The following ZBTB7C variants were observed in gnomAD, a reference collection of about 807,000 sequenced individuals.
ZBTB7C encodes zinc finger and BTB domain containing 7C, also known as zinc finger and BTB domain-containing protein 7C.
ZBTB7C carries 8 observed loss-of-function variants against 25.7 expected under a neutral mutation model. The observed-to-expected ratio is 0.31, with a 90% CI of 0.18 to 0.56. The LOEUF (loss-of-function observed/expected upper bound fraction) is 0.56, where lower values mean the gene tolerates loss of function less well. Among genes scored for constraint, ZBTB7C ranks in the 20% least tolerant of loss-of-function variants. The pLI is 0.91. For missense variants in ZBTB7C, 824 were observed against 855.2 expected (o/e 0.96, Z 0.46); for synonymous variants, 394 against 369.0 (o/e 1.07, Z -0.78).
At position 48,211,408 on chromosome 18, in the gene ZBTB7C, T is replaced by C. The variant is rs573853704; in HGVS notation, c.-78-25413A>G. 8.5e-5 allele frequency among the ~76,000 whole-genome samples: 13 copies of C among 152,154 alleles called. No homozygotes were observed. The South Asian group carries it at 2.3e-3, about 27-fold the overall frequency. On this transcript the variant is annotated intron_variant, in intron 2 of 4. Transcript: ENST00000590800. ...GTCAAGAGAATAAGAAGACAAGCCA[T>C]AGAGTAGGAGAAATATTTGCAAGCA...
chr18:48,103,993 T>G (rs768056500), intron 3 of ZBTB7C, among the ~76,000 whole-genome samples: 2 of 152,094 alleles, frequency 1.3e-5, no homozygotes, highest in Non-Finnish European at 2.9e-5. Flanking sequence ...CTTTTCAAGG[T>G]GATGAATATG....
intron 3 of ZBTB7C, among the ~76,000 whole-genome samples, chr18:48,147,467 G>A (rs564384866): frequency 2.0e-5 from 3 of 152,298 alleles, no homozygotes; most frequent in East Asian, 1.9e-4. Context: ...TAAAACTGCT[G>A]ACCCAAGACC....
chr18:48,153,154 T>C (rs992797198), intron 3 of ZBTB7C, among the ~76,000 whole-genome samples: 12 of 152,220 alleles, frequency 7.9e-5, no homozygotes, highest in African/African-American at 2.9e-4. Context: ...TTTAAAGGCA[T>C]AGGGAGGCAC....
intron 3 of ZBTB7C, among the ~76,000 whole-genome samples, chr18:48,153,531 G>C (rs905643640): frequency 6.6e-6 from 1 of 152,092 alleles, no homozygotes; most frequent in Admixed American, 6.6e-5. Flanking sequence ...TGGTCCAAAG[G>C]GAAAAAGGGA....
intron 3 of ZBTB7C, among the ~76,000 whole-genome samples, chr18:48,123,191 G>A (rs2039688574): frequency 6.6e-6 from 1 of 152,194 alleles, no homozygotes; most frequent in Non-Finnish European, 1.5e-5. Context: ...TCACATGATA[G>A]GGGTTGAAAG....
intron 2 of ZBTB7C, among the ~76,000 whole-genome samples, chr18:48,217,443 A>G (rs920147674): frequency 6.6e-6 from 1 of 152,058 alleles, no homozygotes; most frequent in African/African-American, 2.4e-5. Context: ...AAGTTGGCCA[A>G]CTGGACGTAA....
chr18:48,067,728 A>G (rs2037383532), intron 3 of ZBTB7C, among the ~76,000 whole-genome samples: 1 of 152,204 alleles, frequency 6.6e-6, no homozygotes, highest in Admixed American at 6.5e-5. Flanking sequence ...TCAGTTGGGC[A>G]TGGTGGCTCA....
intron 2 of ZBTB7C, among the ~76,000 whole-genome samples, chr18:48,332,416 C>T (rs1246224983): frequency 3.9e-5 from 6 of 152,178 alleles, no homozygotes; most frequent in Admixed American, 3.9e-4. Context: ...TGGCAGCTGG[C>T]TGTCCCACTT....
intron 1 of ZBTB7C, among the ~76,000 whole-genome samples, chr18:48,370,694 G>T (rs570976551): frequency 2.0e-5 from 3 of 152,074 alleles, no homozygotes; most frequent in Admixed American, 6.5e-5. Flanking sequence ...GTCGATCAAG[G>T]TAACACTCTC....
At chr18:48,278,805 C>A (rs575193837) in intron 2 of ZBTB7C, among the ~76,000 whole-genome samples, 2 of 152,148 alleles carry the variant, frequency 1.3e-5, no homozygotes, top group African/African-American at 4.8e-5. Flanking sequence ...TGGTTTGCCA[C>A]GTGGCAATAA....
intron 3 of ZBTB7C, among the ~76,000 whole-genome samples, chr18:48,157,427 C>T (rs1352915081): frequency 6.6e-6 from 1 of 152,092 alleles, no homozygotes; most frequent in Non-Finnish European, 1.5e-5. Flanking sequence ...CAAACCAACC[C>T]CAGCTGGGAA....
intron 1 of ZBTB7C, among the ~76,000 whole-genome samples, chr18:48,346,138 C>A (rs1454840688): frequency 6.6e-6 from 1 of 152,214 alleles, no homozygotes; most frequent in Non-Finnish European, 1.5e-5. Context: ...GTTGGCCAGG[C>A]TGGTCTCAAA....
At chr18:48,220,409 C>T (rs2042921556) in intron 2 of ZBTB7C, among the ~76,000 whole-genome samples, 1 of 152,162 alleles carries the variant, frequency 6.6e-6, no homozygotes, top group Non-Finnish European at 1.5e-5. Flanking sequence ...CTTACTTTCC[C>T]CAACAGATGC....
intron 1 of ZBTB7C, among the ~76,000 whole-genome samples, chr18:48,367,127 C>G (rs1372383886): frequency 1.4e-5 from 2 of 141,792 alleles, no homozygotes; most frequent in African/African-American, 2.7e-5. Flanking sequence ...GCTTCCCCTT[C>G]TGGGAAGATG....
intron 4 of ZBTB7C, among the ~76,000 whole-genome samples, chr18:48,030,780 C>T (rs1345414157): frequency 6.6e-6 from 1 of 152,180 alleles, no homozygotes; most frequent in East Asian, 1.9e-4. Flanking sequence ...TTGTCCAGGG[C>T]TCATGGAAAG....
At chr18:48,367,679 T>C (rs1469528423) in intron 1 of ZBTB7C, among the ~76,000 whole-genome samples, 1 of 151,942 alleles carries the variant, frequency 6.6e-6, no homozygotes, top group Non-Finnish European at 1.5e-5. Context: ...ACCCTCCCCA[T>C]GTCAGCAAAG....
intron 2 of ZBTB7C, among the ~76,000 whole-genome samples, chr18:48,314,840 A>AT (rs747202386): frequency 6.6e-6 from 1 of 151,942 alleles, no homozygotes; most frequent in South Asian, 2.1e-4. Flanking sequence ...CCTGGCTTTC[A>AT]TTTTTAATGA....
intron 3 of ZBTB7C, chr18:48,088,197 CA>C (rs2038268763): frequency 6.6e-6 from 1 of 152,184 alleles, no homozygotes; most frequent in Non-Finnish European, 1.5e-5. Context: ...CACAGTCTAA[CA>C]GGGGAGAAAG....
At chr18:48,161,765 C>T (rs1362219460) in intron 3 of ZBTB7C, among the ~76,000 whole-genome samples, 1 of 149,816 alleles carries the variant, frequency 6.7e-6, no homozygotes, top group African/African-American at 2.5e-5. Context: ...ATCCCCGCCC[C>T]TTCCCGGGCG....
Sources: allele counts gnomAD v4.1 joint callset (sites outside exome capture counted in the v4.1 genomes callset), GRCh38; gene constraint gnomAD v4.1.1; transcripts MANE v1.5; gene names NCBI Gene and HGNC (gene_info 2026-07-23, HGNC 2026-07-21).